Variants in PPP1R1C observed in about 807,000 individuals in gnomAD.
PPP1R1C encodes protein phosphatase 1 regulatory subunit 1C.
In PPP1R1C, 15 loss-of-function variants were observed where a neutral mutation model predicts 17.4. That is an observed-to-expected ratio of 0.86 (90% CI 0.58 to 1.33). The LOEUF (loss-of-function observed/expected upper bound fraction) is 1.33. Among genes scored for constraint, PPP1R1C ranks in the 40% most tolerant of loss-of-function variants. The pLI is 0.00. For synonymous variants in PPP1R1C, 35 were observed against 43.1 expected (o/e 0.81, Z 0.73); for missense variants, 143 against 130.0 (o/e 1.10, Z -0.48).
At chr2:182,097,421 TG>T (rs1044446902) in intron 4 of PPP1R1C, among the ~76,000 whole-genome samples, 1 of 152,214 alleles carries the variant, frequency 6.6e-6, no homozygotes, top group African/African-American at 2.4e-5. Flanking sequence ...GAATCGCTTC[TG>T]TATAGTACAA....
At chr2:182,125,485 C>G (rs1689852023) in intron 5 of PPP1R1C, among the ~76,000 whole-genome samples, 1 of 152,142 alleles carries the variant, frequency 6.6e-6, no homozygotes, top group South Asian at 2.1e-4. Flanking sequence ...ACCAGCTCCT[C>G]TTTGTACCTC....
In PPP1R1C at chr2:181,987,862, A is replaced by G. The variant is rs1372536769; in HGVS notation, c.105A>G (p.Pro35=). 3 of 1,613,492 alleles carry G rather than the reference A, an allele frequency of 1.9e-6. No individual in the cohort carries two copies. Among genetic ancestry groups the G allele is most frequent in the Admixed American group, 1.7e-5 (1 of 59,972 alleles). ...AEQIRKRRPT[P]ASLVILNEHN... ...AGATCAGGAAAAGAAGACCTACACC[A>G]GCATCACTTGTGATTCTCAATGAGC... The change falls in exon 2 of 5, where the codon CCA becomes CCG. Residue 35 remains proline (P), a synonymous_variant. Transcript: ENST00000682840.
chr2:182,084,218 G>T (rs1417078583), intron 4 of PPP1R1C, among the ~76,000 whole-genome samples: 2 of 152,036 alleles, frequency 1.3e-5, no homozygotes, highest in Non-Finnish European at 2.9e-5. Context: ...TCTGTGGGTT[G>T]TCTGTTTACT....
chr2:182,023,336 T>C (rs1367068709), intron 2 of PPP1R1C, among the ~76,000 whole-genome samples: 3 of 151,326 alleles, frequency 2.0e-5, no homozygotes, highest in African/African-American at 7.3e-5. Context: ...AAAAGGAAAA[T>C]ATAATAGGCA....
chr2:181,981,927 A>C (rs1181270549), upstream of PPP1R1C, among the ~76,000 whole-genome samples: 3 of 152,130 alleles, frequency 2.0e-5, no homozygotes, highest in African/African-American at 7.2e-5. Context: ...TCATTATTGT[A>C]TTTCCAGCAT....
intron 2 of PPP1R1C, among the ~76,000 whole-genome samples, chr2:181,998,931 T>C (rs1685687350): frequency 6.6e-6 from 1 of 152,222 alleles, no homozygotes; most frequent in Non-Finnish European, 1.5e-5. Flanking sequence ...ACAGCATGAA[T>C]GATTGGACTA....
intron 2 of PPP1R1C, among the ~76,000 whole-genome samples, chr2:182,045,027 A>T (rs1489419559): frequency 6.6e-6 from 1 of 152,192 alleles, no homozygotes; most frequent in Non-Finnish European, 1.5e-5. Context: ...CTTGGTGCCA[A>T]ACATATTGAG....
intron 4 of PPP1R1C, among the ~76,000 whole-genome samples, chr2:182,108,093 T>C (rs1689308917): frequency 6.6e-6 from 1 of 152,084 alleles, no homozygotes; most frequent in Admixed American, 6.6e-5. Context: ...AAAAAATTCC[T>C]GTTTGGATGG....
chr2:182,068,306 G>A (rs1688046751), intron 4 of PPP1R1C, among the ~76,000 whole-genome samples: 1 of 152,162 alleles, frequency 6.6e-6, no homozygotes, highest in Non-Finnish European at 1.5e-5. Flanking sequence ...GAACTATTTT[G>A]AATAATTATT....
intron 4 of PPP1R1C, among the ~76,000 whole-genome samples, chr2:182,078,267 A>G (rs1324658833): frequency 1.3e-5 from 2 of 152,164 alleles, no homozygotes; most frequent in Non-Finnish European, 2.9e-5. Flanking sequence ...TGATTATTAA[A>G]TTGTGAGCCA....
At chr2:182,018,422 G>GTA (rs1207754651) in intron 2 of PPP1R1C, among the ~76,000 whole-genome samples, 1 of 152,196 alleles carries the variant, frequency 6.6e-6, no homozygotes, top group African/African-American at 2.4e-5. Context: ...AGAACTCTAA[G>GTA]AAGATTGATG....
intron 2 of PPP1R1C, among the ~76,000 whole-genome samples, chr2:182,014,145 T>C (rs1686175217): frequency 6.6e-6 from 1 of 152,184 alleles, no homozygotes; most frequent in South Asian, 2.1e-4. Context: ...ATTGTGGTCT[T>C]TATAGTCTAA....
At chr2:182,041,303 C>T (rs1189689019) in intron 2 of PPP1R1C, among the ~76,000 whole-genome samples, 1 of 152,104 alleles carries the variant, frequency 6.6e-6, no homozygotes, top group South Asian at 2.1e-4. Context: ...TTATGAAGCA[C>T]TTCTCTTACT....
At chr2:182,118,009 C>A (rs1250923649), downstream of PPP1R1C, 1 of 152,134 alleles carries the variant, frequency 6.6e-6, no homozygotes, top group East Asian at 1.9e-4. Context: ...AAAATCTATG[C>A]CAAATCTTCC....
upstream of PPP1R1C, among the ~76,000 whole-genome samples, chr2:181,981,078 G>A (rs1265797944): frequency 1.3e-5 from 2 of 151,546 alleles, no homozygotes; most frequent in East Asian, 1.9e-4. Context: ...ACAGGCGCCC[G>A]CCACTACGCC....
At chr2:182,119,270 G>A (rs1336293100), downstream of PPP1R1C, among the ~76,000 whole-genome samples, 2 of 151,986 alleles carry the variant, frequency 1.3e-5, no homozygotes, top group Non-Finnish European at 2.9e-5. Flanking sequence ...ATTCCATGGT[G>A]TATATGTGCC....
At chr2:182,006,452 G>A (rs1006311935) in intron 2 of PPP1R1C, among the ~76,000 whole-genome samples, 2 of 152,196 alleles carry the variant, frequency 1.3e-5, no homozygotes, top group African/African-American at 4.8e-5. Context: ...GATTTCCTAA[G>A]AAGAAAAAGA....
intron 1 of PPP1R1C, among the ~76,000 whole-genome samples, chr2:181,958,229 G>A (rs529826251): frequency 2.0e-5 from 3 of 152,296 alleles, no homozygotes; most frequent in East Asian, 3.9e-4. Flanking sequence ...TTCTCAGCCC[G>A]ATCCTGCAGG....
chr2:182,120,327 A>G (rs1177386199), downstream of PPP1R1C, among the ~76,000 whole-genome samples: 1 of 152,036 alleles, frequency 6.6e-6, no homozygotes, highest in Non-Finnish European at 1.5e-5. Context: ...TGAAGGAAGT[A>G]GAGACACAAA....
Sources: gnomAD v4.1 joint callset for allele counts (sites outside exome capture counted in the v4.1 genomes callset) on GRCh38, gnomAD v4.1.1 for gene constraint, MANE v1.5 for transcripts, NCBI Gene and HGNC (gene_info 2026-07-23, HGNC 2026-07-21) for gene names.